CREB3L2: variants seen among roughly 807,000 people sequenced by gnomAD.
The protein encoded by CREB3L2 is cAMP responsive element binding protein 3 like 2.
A neutral mutation model predicts 57.2 loss-of-function variants in CREB3L2; 23 were observed. That is an observed-to-expected ratio of 0.40 (90% CI 0.29 to 0.57). The LOEUF is 0.57. Ranked by LOEUF, CREB3L2 falls within the 20% of genes least tolerant of loss-of-function variation. The probability of loss-of-function intolerance (pLI) is 0.42; values close to 1 mark genes in which losing one functional copy is unlikely to be tolerated. For missense variants in CREB3L2, 628 were observed against 634.7 expected, an observed-to-expected ratio of 0.99 and a Z score of 0.11; for synonymous variants, 268 against 265.1, an observed-to-expected ratio of 1.01 and a Z score of -0.11.
intron 2 of CREB3L2, chr7:137,922,686 T>C (rs1800361947): frequency 2.2e-6 from 1 of 446,090 alleles, no homozygotes; most frequent in African/African-American, 2.0e-5. Context: ...AAACGTGGAT[T>C]GAAAATACAG....
intron 1 of CREB3L2, among the ~76,000 whole-genome samples, chr7:137,984,379 A>C (rs558914485): frequency 1.3e-5 from 2 of 152,218 alleles, no homozygotes; most frequent in Non-Finnish European, 2.9e-5. Flanking sequence ...GGCTTGTCCT[A>C]ATATAGGTAC....
intron 1 of CREB3L2, among the ~76,000 whole-genome samples, chr7:137,973,924 C>T (rs924475791): frequency 6.6e-6 from 1 of 152,096 alleles, no homozygotes; most frequent in Non-Finnish European, 1.5e-5. Context: ...AATAACTGCT[C>T]ATCATTGTCT....
intron 7 of CREB3L2, among the ~76,000 whole-genome samples, chr7:137,903,240 C>T (rs528058138): frequency 6.6e-6 from 1 of 152,290 alleles, no homozygotes; most frequent in South Asian, 2.1e-4. Flanking sequence ...GTGATAGAAG[C>T]ACTAAACTTT....
chr7:137,927,225 AGAAG>A (rs1247476083), intron 2 of CREB3L2, among the ~76,000 whole-genome samples: 33 of 144,494 alleles, frequency 2.3e-4, no homozygotes, highest in Non-Finnish European at 4.4e-4. Context: ...AAATAAAGAA[AGAAG>A]GAAGGAAGGG....
chr7:137,897,842 A>G (rs1164273257), intron 8 of CREB3L2, among the ~76,000 whole-genome samples: 1 of 152,060 alleles, frequency 6.6e-6, no homozygotes, highest in African/African-American at 2.4e-5. Context: ...TTTTTTTCCT[A>G]AATTATTTTT....
rs557715794 is a variant in CREB3L2, at chr7:137,914,899, T to C, written c.495+938A>G. On this transcript the variant is annotated intron_variant, in intron 3 of 11. Coordinates refer to ENST00000330387, the MANE Select transcript of CREB3L2 (RefSeq NM_194071.4). The stretch of plus-strand genomic sequence containing the variant: ...TACATCTTTTTTTCTTTCTTTCTTT[T>C]TTTTTATTTCTTGAGACAGAGTCTT... 9.1e-4 allele frequency among the ~76,000 whole-genome samples: 139 copies of C among 152,310 alleles called. No individual in the cohort carries two copies. The Middle Eastern group carries it at 0.01, about 11-fold the overall frequency.
intron 1 of CREB3L2, among the ~76,000 whole-genome samples, chr7:137,975,738 A>G (rs1251221528): frequency 1.3e-5 from 2 of 152,252 alleles, no homozygotes; most frequent in East Asian, 3.8e-4. Context: ...AAATTAAAAA[A>G]GAAGTAAATA....
intron 1 of CREB3L2, among the ~76,000 whole-genome samples, chr7:137,934,886 A>T (rs968919851): frequency 3.3e-5 from 5 of 152,264 alleles, no homozygotes; most frequent in Admixed American, 3.3e-4. Flanking sequence ...CAGTTCAGAG[A>T]ATACACATGG....
intron 1 of CREB3L2, among the ~76,000 whole-genome samples, chr7:137,969,257 G>C (rs1801459093): frequency 6.6e-6 from 1 of 152,010 alleles, no homozygotes; most frequent in South Asian, 2.1e-4. Context: ...GGACATTTTG[G>C]GGACAACTAG....
chr7:137,915,696 GTA>G, intron 3 of CREB3L2, 139 bp downstream of exon 3: 1 of 650,670 alleles, frequency 1.5e-6, no homozygotes, highest in Non-Finnish European at 2.6e-6. Context: ...GTATACATAT[GTA>G]TATACACACA....
intron 1 of CREB3L2, among the ~76,000 whole-genome samples, chr7:137,933,212 A>G (rs1800695390): frequency 6.6e-6 from 1 of 152,260 alleles, no homozygotes; most frequent in African/African-American, 2.4e-5. Context: ...AATAAATAAC[A>G]GAATGTAACA....
intron 1 of CREB3L2, among the ~76,000 whole-genome samples, chr7:138,000,694 C>A (rs1802059129): frequency 6.6e-6 from 1 of 152,320 alleles, no homozygotes; most frequent in Admixed American, 6.5e-5. Context: ...ACCCCAGCCC[C>A]ACCCCCATTA....
intron 1 of CREB3L2, among the ~76,000 whole-genome samples, chr7:137,952,414 G>C (rs1426734066): frequency 2.0e-5 from 3 of 152,128 alleles, no homozygotes; most frequent in African/African-American, 7.2e-5. Flanking sequence ...CCAGCCCTCA[G>C]GCTCTCAGCC....
chr7:137,942,794 T>C (rs1173263115), intron 1 of CREB3L2, among the ~76,000 whole-genome samples: 1 of 152,238 alleles, frequency 6.6e-6, no homozygotes, highest in Admixed American at 6.5e-5. Context: ...TCTGAATGTT[T>C]GTTCATGATT....
At chr7:137,905,664 G>A (rs201768850) in intron 6 of CREB3L2, 38 bp downstream of exon 6, 63 of 1,609,682 alleles carry the variant, frequency 3.9e-5, no homozygotes, top group Middle Eastern at 1.7e-4. Flanking sequence ...GATTCTGCTC[G>A]TCTCTGCTCT....
intron 1 of CREB3L2, among the ~76,000 whole-genome samples, chr7:137,931,075 T>C (rs758568679): frequency 7.9e-5 from 12 of 151,472 alleles, no homozygotes; most frequent in Non-Finnish European, 1.6e-4. Context: ...CTACAAAAAA[T>C]ACAAAAATTA....
At position 138,000,951 on chromosome 7, in the gene CREB3L2, G is replaced by T. The variant is rs535312546; in HGVS notation, c.102+653C>A. 2.0e-5 allele frequency among the ~76,000 whole-genome samples: 3 copies of T among 152,204 alleles called. No individual in the cohort carries two copies. In the East Asian group the frequency reaches 5.8e-4, roughly 29 times the overall value. ...CTTCCCCAGAGCCTTTCTTAAATAT[G>T]CAACTGTCTCAGATTTTCCATACTC... On this transcript the variant is annotated intron_variant, in intron 1 of 11. Transcript: ENST00000330387.
chr7:137,974,927 T>C (rs548545448), intron 1 of CREB3L2, among the ~76,000 whole-genome samples: 4 of 152,202 alleles, frequency 2.6e-5, no homozygotes, highest in African/African-American at 9.6e-5. Context: ...TAGAGACAGA[T>C]CCAGGCTAAA....
At chr7:137,903,846 G>T in intron 7 of CREB3L2, 113 bp downstream of exon 7, 1 of 883,144 alleles carries the variant, frequency 1.1e-6, no homozygotes, top group Admixed American at 1.9e-5. Context: ...AAACCACCGG[G>T]TTTCCAAGGT....
Sources: allele counts gnomAD v4.1 joint callset (sites outside exome capture counted in the v4.1 genomes callset), GRCh38; gene constraint gnomAD v4.1.1; transcripts MANE v1.5; gene names NCBI Gene and HGNC (gene_info 2026-07-23, HGNC 2026-07-21).